Variants in CPNE4 observed in about 807,000 individuals in gnomAD.
The protein encoded by CPNE4 is copine-4.
Under a neutral mutation model 67.9 loss-of-function variants are expected in CPNE4, and 25 were observed. The observed-to-expected ratio is 0.37, with a 90% CI of 0.27 to 0.51. The LOEUF is 0.51. Among genes scored for constraint, CPNE4 ranks in the 20% least tolerant of loss-of-function variants. The probability of loss-of-function intolerance (pLI) is 0.93; values close to 1 mark genes in which losing one functional copy is unlikely to be tolerated. For synonymous variants in CPNE4, 242 were observed against 244.9 expected, an observed-to-expected ratio of 0.99 and a Z score of 0.11; for missense variants, 464 against 690.8, an observed-to-expected ratio of 0.67 and a Z score of 3.68.
chr3:131,648,351 C>A (rs2079718843), intron 7 of CPNE4, among the ~76,000 whole-genome samples: 3 of 152,112 alleles, frequency 2.0e-5, no homozygotes, highest in African/African-American at 7.2e-5. Flanking sequence ...TCAGCCTGGG[C>A]AACAGAGCAA....
chr3:131,721,327 T>C (rs146487541), intron 3 of CPNE4, among the ~76,000 whole-genome samples: 5 of 140,124 alleles, frequency 3.6e-5, no homozygotes, highest in Non-Finnish European at 7.7e-5. Flanking sequence ...CAGATAAAAT[T>C]ATCAAAGCTT....
chr3:131,899,411 GA>G (rs753079832), intron 2 of CPNE4, among the ~76,000 whole-genome samples: 24 of 152,082 alleles, frequency 1.6e-4, no homozygotes, highest in Non-Finnish European at 5.9e-5. Flanking sequence ...CATGATCTTT[GA>G]GTTACGGCAA....
chr3:131,658,135 G>GT (rs11434539), intron 7 of CPNE4, among the ~76,000 whole-genome samples: 50,171 of 151,870 alleles, frequency 0.33, 8,670 homozygotes, highest in African/African-American at 0.4. Flanking sequence ...ATTTATTTTT[G>GT]TTTTTTGTAA....
intron 2 of CPNE4, among the ~76,000 whole-genome samples, chr3:131,786,891 T>C (rs1003434168): frequency 6.6e-6 from 1 of 152,132 alleles, no homozygotes; most frequent in Non-Finnish European, 1.5e-5. Flanking sequence ...AGTCTTCTCT[T>C]TGGATATGAA....
At chr3:131,845,812 T>A (rs541270868) in intron 2 of CPNE4, among the ~76,000 whole-genome samples, 3 of 152,278 alleles carry the variant, frequency 2.0e-5, no homozygotes, top group Non-Finnish European at 2.9e-5. Context: ...TCCGCTATCG[T>A]CTAGTATTTA....
At chr3:131,757,004 C>A (rs1383161880) in intron 2 of CPNE4, among the ~76,000 whole-genome samples, 1 of 152,160 alleles carries the variant, frequency 6.6e-6, no homozygotes, top group African/African-American at 2.4e-5. Flanking sequence ...CCTGAGGCCT[C>A]CCCAGCCATG....
intron 2 of CPNE4, among the ~76,000 whole-genome samples, chr3:131,876,910 C>T (rs1293999568): frequency 6.6e-6 from 1 of 152,068 alleles, no homozygotes; most frequent in African/African-American, 2.4e-5. Flanking sequence ...TTTCCAAAAC[C>T]ATTCTAGTGC....
chr3:131,751,510 T>C (rs1310087911), intron 2 of CPNE4, among the ~76,000 whole-genome samples: 2 of 146,506 alleles, frequency 1.4e-5, no homozygotes, highest in Non-Finnish European at 3.0e-5. Flanking sequence ...TTTATACTTC[T>C]ATTTCTTTGC....
intron 2 of CPNE4, among the ~76,000 whole-genome samples, chr3:131,832,333 A>G (rs1384838174): frequency 1.3e-5 from 2 of 152,180 alleles, no homozygotes; most frequent in Non-Finnish European, 2.9e-5. Context: ...CTTCAAGATA[A>G]TAGAAGAGTG....
intron 3 of CPNE4, 69 bp from the exon 4 acceptor site, chr3:131,700,049 T>C: frequency 1.1e-6 from 1 of 888,752 alleles, no homozygotes; most frequent in Non-Finnish European, 1.7e-6. Flanking sequence ...ATCTATTTTT[T>C]AAACCTTTTT....
Position 131,893,366 on chromosome 3 carries a change from C to T in CPNE4, c.180+11898G>A, listed in dbSNP as rs192634604. On this transcript the variant is annotated intron_variant, in intron 2 of 15. Transcript: ENST00000429747. ...CTAAAAGGAGAGGTAGTCAGCAATA[C>T]AGTAATCGTAGGAGGCTTCAACACC... 8.0e-4 allele frequency among the ~76,000 whole-genome samples: 122 copies of T among 152,062 alleles called. 1 individual carries two copies. Among genetic ancestry groups the T allele is most frequent in the African/African-American group, 2.8e-3 (118 of 41,516 alleles).
chr3:131,996,877 C>A (rs1307700771), intron 1 of CPNE4, among the ~76,000 whole-genome samples: 1 of 152,138 alleles, frequency 6.6e-6, no homozygotes, highest in Non-Finnish European at 1.5e-5. Context: ...TTTGCACCAG[C>A]ATTTTTGAAA....
intron 10 of CPNE4, among the ~76,000 whole-genome samples, chr3:131,567,237 T>C (rs945934038): frequency 2.6e-5 from 4 of 151,796 alleles, no homozygotes; most frequent in African/African-American, 4.8e-5. Context: ...TAAAGAAAAA[T>C]GGCTGCTCAA....
chr3:131,593,162 A>G (rs575784685), intron 7 of CPNE4, among the ~76,000 whole-genome samples: 1 of 152,332 alleles, frequency 6.6e-6, no homozygotes, highest in East Asian at 1.9e-4. Context: ...TTGTGGTTCC[A>G]TATGAATTTT....
At chr3:131,893,594 C>T (rs188600008) in intron 2 of CPNE4, among the ~76,000 whole-genome samples, 1 of 151,864 alleles carries the variant, frequency 6.6e-6, no homozygotes, top group Non-Finnish European at 1.5e-5. Context: ...AAGCCTTAAG[C>T]ATATAAAGAT....
intron 2 of CPNE4, among the ~76,000 whole-genome samples, chr3:131,764,672 T>C (rs1283403598): frequency 1.3e-5 from 2 of 152,120 alleles, no homozygotes; most frequent in East Asian, 3.8e-4. Context: ...TACCCCATGG[T>C]CCTGCTTCTG....
At chr3:131,867,521 C>CA (rs199716268) in intron 2 of CPNE4, among the ~76,000 whole-genome samples, 1 of 92,038 alleles carries the variant, frequency 1.1e-5, no homozygotes, top group Non-Finnish European at 2.5e-5. Context: ...GGAAGGCATG[C>CA]GGGTGGGGGG....
chr3:131,817,103 T>C (rs1012269562), intron 2 of CPNE4, among the ~76,000 whole-genome samples: 2 of 152,094 alleles, frequency 1.3e-5, no homozygotes, highest in Non-Finnish European at 1.5e-5. Context: ...ATCAGCAATG[T>C]TGGGAAAGGA....
At chr3:131,841,927 A>G (rs2085800202) in intron 2 of CPNE4, among the ~76,000 whole-genome samples, 1 of 152,166 alleles carries the variant, frequency 6.6e-6, no homozygotes, top group Admixed American at 6.5e-5. Context: ...TGAGTTAGAG[A>G]TGCCTGGAGA....
Sources: gnomAD v4.1 joint callset for allele counts (sites outside exome capture counted in the v4.1 genomes callset) on GRCh38, gnomAD v4.1.1 for gene constraint, MANE v1.5 for transcripts, NCBI Gene and HGNC (gene_info 2026-07-23, HGNC 2026-07-21) for gene names.